PLB1: variants seen among roughly 807,000 people sequenced by gnomAD.
PLB1 encodes phospholipase B1, also known as phospholipase B1, membrane-associated.
In PLB1, 242 loss-of-function variants were observed where a neutral mutation model predicts 227.4. That is an observed-to-expected ratio of 1.06 (90% CI 0.96 to 1.18). The LOEUF (loss-of-function observed/expected upper bound fraction) is 1.18. Among genes scored for constraint, PLB1 ranks in the 50% most tolerant of loss-of-function variants. PLB1 has a pLI of 0.00. For synonymous variants in PLB1, 757 were observed against 682.2 expected (o/e 1.11, Z -1.71); for missense variants, 1,858 against 1,816.3 (o/e 1.02, Z -0.42).
chr2:28,510,931 A>G (rs1668183100), intron 1 of PLB1, among the ~76,000 whole-genome samples: 1 of 151,450 alleles, frequency 6.6e-6, no homozygotes, highest in South Asian at 2.1e-4. Flanking sequence ...CCTGGCCTTC[A>G]CCTGATATCT....
At chr2:28,553,384 C>T (rs1572931790) in intron 17 of PLB1, among the ~76,000 whole-genome samples, 3 of 152,220 alleles carry the variant, frequency 2.0e-5, no homozygotes, top group East Asian at 3.9e-4. Context: ...CACTCACACA[C>T]AGAATGCACT....
intron 46 of PLB1, among the ~76,000 whole-genome samples, chr2:28,619,858 A>G (rs762180749): frequency 1.3e-5 from 2 of 151,984 alleles, no homozygotes; most frequent in Non-Finnish European, 2.9e-5. Context: ...GGTAAGGGAG[A>G]CTCATTGAAG....
At chr2:28,633,830 CTCAGTGGG>C (rs1032835818) in intron 56 of PLB1, among the ~76,000 whole-genome samples, 5 of 152,222 alleles carry the variant, frequency 3.3e-5, no homozygotes, top group African/African-American at 1.2e-4. Context: ...TTAATCCAGG[CTCAGTGGG>C]TAACACAATC....
At chr2:28,585,688 C>T (rs1395264519) in intron 25 of PLB1, 73 bp from the exon 26 acceptor site, 4 of 1,224,504 alleles carry the variant, frequency 3.3e-6, no homozygotes, top group Non-Finnish European at 4.8e-6. Flanking sequence ...AGTCTCAAGC[C>T]AGCGTTTCTG....
rs185670822 is a variant in PLB1, at chr2:28,628,244, A to G, written c.3661-319A>G. ...CAAGGGGCTGGAGAAGGCTGAGGTC[A>G]GATGACGGATGGGACTGCCGAGAGC... On this transcript the variant is annotated intron_variant, in intron 51 of 57. Coordinates refer to ENST00000327757, the MANE Select transcript of PLB1 (RefSeq NM_153021.5). Among the ~76,000 whole-genome samples, 511 of 152,328 alleles carry G rather than the reference A, an allele frequency of 3.4e-3. 3 individuals are homozygous for G. The highest frequency in any genetic ancestry group is 0.011 in the African/African-American group (477 of 41,576).
intron 1 of PLB1, among the ~76,000 whole-genome samples, chr2:28,499,260 T>A (rs72860562): frequency 0.025 from 3,799 of 152,250 alleles, 164 homozygotes; most frequent in African/African-American, 0.088. Flanking sequence ...CTTTTAATGC[T>A]GTTTAATGCT....
intron 57 of PLB1, 151 bp from the exon 58 acceptor site, chr2:28,642,707 A>T: frequency 1.5e-6 from 1 of 670,980 alleles, no homozygotes; most frequent in South Asian, 2.3e-5. Flanking sequence ...GTTTGGGCAC[A>T]GCCTAAATGA....
At chr2:28,543,576 A>G (rs933687351) in intron 14 of PLB1, among the ~76,000 whole-genome samples, 1 of 152,198 alleles carries the variant, frequency 6.6e-6, no homozygotes, top group Non-Finnish European at 1.5e-5. Flanking sequence ...TGAGTCAAGC[A>G]CTGGGGAATG....
intron 56 of PLB1, 63 bp downstream of exon 56, chr2:28,633,102 C>A: frequency 7.1e-7 from 1 of 1,399,172 alleles, no homozygotes; most frequent in Non-Finnish European, 1.0e-6. Context: ...GACACTCTGT[C>A]TCACAATGGC....
At chr2:28,562,055 T>G (rs1283297495) in intron 17 of PLB1, among the ~76,000 whole-genome samples, 2 of 152,110 alleles carry the variant, frequency 1.3e-5, no homozygotes, top group African/African-American at 4.8e-5. Context: ...AAGCAAGTTT[T>G]TGGTTACTAA....
At chr2:28,520,369 A>C (rs944229840) in intron 4 of PLB1, among the ~76,000 whole-genome samples, 1 of 152,296 alleles carries the variant, frequency 6.6e-6, no homozygotes, top group East Asian at 1.9e-4. Flanking sequence ...TAATCTTTTA[A>C]ATTTTTTAAG....
chr2:28,522,226 G>A (rs1354670461), intron 4 of PLB1, among the ~76,000 whole-genome samples: 1 of 151,932 alleles, frequency 6.6e-6, no homozygotes, highest in Admixed American at 6.6e-5. Context: ...GTAAATGAGG[G>A]AAATGGGTAT....
intron 1 of PLB1, among the ~76,000 whole-genome samples, chr2:28,513,903 C>T (rs1488343178): frequency 6.6e-6 from 1 of 152,192 alleles, no homozygotes; most frequent in African/African-American, 2.4e-5. Context: ...ACTCTTGCTG[C>T]TATAAAATTA....
At chr2:28,518,398 A>G in intron 2 of PLB1, 68 bp from the exon 3 acceptor site, 2 of 1,229,848 alleles carry the variant, frequency 1.6e-6, no homozygotes, top group Non-Finnish European at 2.4e-6. Flanking sequence ...TTCTACACCA[A>G]GTTTTCAGGA....
chr2:28,549,673 T>C (rs771801909), intron 15 of PLB1, among the ~76,000 whole-genome samples: 4 of 152,252 alleles, frequency 2.6e-5, no homozygotes, highest in Non-Finnish European at 5.9e-5. Flanking sequence ...TACTATGCAA[T>C]AATAAGTATA....
intron 9 of PLB1, 38 bp from the exon 10 acceptor site, chr2:28,538,281 T>C: frequency 6.2e-7 from 1 of 1,614,016 alleles, no homozygotes; most frequent in Non-Finnish European, 8.5e-7. Flanking sequence ...GTGGTCCTCC[T>C]GCAGGCACCC....
rs373891726 is a variant in PLB1, at chr2:28,604,708, C to A, written c.2910C>A (p.Phe970Leu). 2.7e-5 allele frequency: 43 copies of A among 1,614,092 alleles called. No individual in the cohort carries two copies. The highest frequency in any genetic ancestry group is 3.3e-4 in the Middle Eastern group (2 of 6,082). Reference protein sequence around the residue: ...GSGRYDTQEDFSVVLQPFFQN... With the variant: ...GSGRYDTQEDLSVVLQPFFQN... Reference sequence around the variant, plus strand: ...GCCGCTATGACACGCAGGAGGACTTCTCTGTGGTGCTGCAGCCCTTCTTCC... The same window carrying A: ...GCCGCTATGACACGCAGGAGGACTTATCTGTGGTGCTGCAGCCCTTCTTCC... The change falls in exon 41 of 58, where the codon TTC (phenylalanine) becomes TTA (leucine). Residue 970 changes from phenylalanine to leucine, a missense_variant. Transcript: ENST00000327757.
intron 10 of PLB1, 56 bp from the exon 11 acceptor site, chr2:28,539,043 C>T (rs1672098947): frequency 1.4e-6 from 2 of 1,445,022 alleles, no homozygotes; most frequent in Non-Finnish European, 1.9e-6. Context: ...TCCAGAAAGC[C>T]CGGCAGCCAT....
chr2:28,498,526 A>T (rs1263412340), intron 1 of PLB1, among the ~76,000 whole-genome samples: 1 of 152,224 alleles, frequency 6.6e-6, no homozygotes, highest in East Asian at 1.9e-4. Context: ...CTTCTAAAGC[A>T]CTGGGATTAC....
Sources: gnomAD v4.1 joint callset for allele counts (sites outside exome capture counted in the v4.1 genomes callset) on GRCh38, gnomAD v4.1.1 for gene constraint, MANE v1.5 for transcripts, NCBI Gene and HGNC (gene_info 2026-07-23, HGNC 2026-07-21) for gene names.